Variants in RNF32 observed in about 807,000 individuals in gnomAD.
The protein encoded by RNF32 is ring finger protein 32.
In RNF32, 36 loss-of-function variants were observed where a neutral mutation model predicts 41.0. The ratio of observed to expected loss-of-function variants is 0.88; its 90% CI spans 0.67 to 1.16. The LOEUF is 1.16. RNF32 is among the 50% of genes most tolerant of loss of function. RNF32 has a pLI of 0.00. For missense variants in RNF32, 413 were observed against 436.7 expected (o/e 0.95, Z 0.48); for synonymous variants, 154 against 160.9 (o/e 0.96, Z 0.32).
At chr7:156,643,960 G>C in intron 2 of RNF32, 68 bp downstream of exon 2, 1 of 1,437,752 alleles carries the variant, frequency 7.0e-7, no homozygotes, top group Non-Finnish European at 9.8e-7. Context: ...TCAGCCATTT[G>C]AGAGTATAAA....
At chr7:156,664,433 C>G (rs1215583220) in intron 7 of RNF32, among the ~76,000 whole-genome samples, 2 of 152,084 alleles carry the variant, frequency 1.3e-5, no homozygotes, top group Admixed American at 1.3e-4. Flanking sequence ...TGCACTCCAG[C>G]CTGGGCGACA....
At chr7:156,675,107 G>C (rs1002833528) in intron 7 of RNF32, among the ~76,000 whole-genome samples, 1 of 152,246 alleles carries the variant, frequency 6.6e-6, no homozygotes, top group African/African-American at 2.4e-5. Context: ...GACCGGAAGA[G>C]ATAGTGCAGA....
At chr7:156,659,035 C>T in intron 7 of RNF32, 2 of 1,416,824 alleles carry the variant, frequency 1.4e-6, no homozygotes, top group Non-Finnish European at 9.1e-7. Context: ...AGCTTTAGAG[C>T]TAACTTCCAT....
chr7:156,648,945 C>T (rs1798333279), intron 3 of RNF32, among the ~76,000 whole-genome samples: 1 of 151,904 alleles, frequency 6.6e-6, no homozygotes, highest in Non-Finnish European at 1.5e-5. Context: ...AAAGATTTTC[C>T]TACATTTTCT....
At position 156,670,886 on chromosome 7, in the gene RNF32, T is replaced by G. The variant is rs979589588; in HGVS notation, c.685-4810T>G. 2.6e-5 allele frequency among the ~76,000 whole-genome samples: 4 copies of G among 152,218 alleles called. No homozygotes were observed. Among genetic ancestry groups the G allele is most frequent in the African/African-American group, 7.2e-5 (3 of 41,452 alleles). On this transcript the variant is annotated intron_variant, in intron 7 of 8. Transcript: ENST00000317955. This position sits in a 1 kb window ranked among gnomAD's most constrained non-coding sequence, Gnocchi z 4.3. ...ATGGCCCCAGACGGGAAATCTGAGA[T>G]GTCAGTGGTAAAAATGTGAGTAAAT...
At chr7:156,651,122 G>A (rs887492893) in intron 3 of RNF32, among the ~76,000 whole-genome samples, 1 of 151,964 alleles carries the variant, frequency 6.6e-6, no homozygotes, top group African/African-American at 2.4e-5. Context: ...ATAACAGAAA[G>A]TGTAGCATTC....
intron 7 of RNF32, among the ~76,000 whole-genome samples, chr7:156,667,186 T>C (rs899046670): frequency 6.6e-6 from 1 of 152,216 alleles, no homozygotes; most frequent in African/African-American, 2.4e-5. Flanking sequence ...TATCAACTGA[T>C]TCATTGATAT....
At chr7:156,655,323 T>C (rs1799477151) in intron 4 of RNF32, among the ~76,000 whole-genome samples, 1 of 149,508 alleles carries the variant, frequency 6.7e-6, no homozygotes, top group South Asian at 2.1e-4. Flanking sequence ...GCATATAGGG[T>C]TTTTTCTATA....
At chr7:156,654,848 C>T (rs1486014643) in intron 4 of RNF32, 130 bp downstream of exon 4, 1 of 784,034 alleles carries the variant, frequency 1.3e-6, no homozygotes, top group African/African-American at 1.7e-5. Context: ...TCACACACTT[C>T]CATTTTGTTT....
At chr7:156,658,107 A>G (rs1234946853) in intron 5 of RNF32, 21 bp from the exon 6 acceptor site, 1 of 1,606,292 alleles carries the variant, frequency 6.2e-7, no homozygotes, top group Non-Finnish European at 8.5e-7. Context: ...GTAAAATTTT[A>G]AGTGAAATGT....
At chr7:156,645,821 G>A (rs10253748) in intron 3 of RNF32, among the ~76,000 whole-genome samples, 56,837 of 152,022 alleles carry the variant, frequency 0.37, 11,160 homozygotes, top group African/African-American at 0.49. Flanking sequence ...AACATGAAAT[G>A]TATCCCAAAC....
In RNF32 at chr7:156,675,882, C is replaced by G; in HGVS notation, c.852+19C>G. 1 of 1,607,582 alleles carries G rather than the reference C, an allele frequency of 6.2e-7. No individual in the cohort carries two copies. The highest frequency in any genetic ancestry group is 8.5e-7 in the Non-Finnish European group (1 of 1,176,062). ...AGTGCAGGTAGGTTTGGCTGGCAGC[C>G]TGGCAACCAGCAGACTCAGCTGCAG... is the stretch of plus-strand genomic sequence containing the variant. On this transcript the variant is annotated intron_variant, in intron 8 of 8. Transcript: ENST00000317955.
At position 156,651,545 on chromosome 7, in the gene RNF32, C is replaced by T. The variant is rs79268147; in HGVS notation, c.275-3031C>T. 0.01 allele frequency among the ~76,000 whole-genome samples: 1,537 copies of T among 152,262 alleles called. 40 individuals are homozygous for T. In the East Asian group the frequency reaches 0.12, roughly 12 times the overall value. On this transcript the variant is annotated intron_variant, in intron 3 of 8. Transcript: ENST00000317955. ...TTAATAATTCTAAATAACATGTCTA[C>T]GCTGCTGTTTTGTTAATTTTCAGTT...
At chr7:156,654,357 C>T in intron 3 of RNF32, 1 of 459,224 alleles carries the variant, frequency 2.2e-6, no homozygotes, top group Non-Finnish European at 3.9e-6. Context: ...GGGTTGTATG[C>T]AAATACTCCA....
intron 3 of RNF32, among the ~76,000 whole-genome samples, chr7:156,648,206 A>G (rs1798240445): frequency 1.3e-5 from 2 of 152,152 alleles, no homozygotes; most frequent in Admixed American, 1.3e-4. Context: ...TTGGTTGAGG[A>G]TGGCGTGTCT....
chr7:156,644,889 G>T, intron 3 of RNF32, 132 bp downstream of exon 3: 1 of 882,974 alleles, frequency 1.1e-6, no homozygotes, highest in Admixed American at 3.1e-5. Flanking sequence ...TGTATTGAAG[G>T]TATGTATGTA....
chr7:156,673,636 A>T (rs190707558), intron 7 of RNF32, among the ~76,000 whole-genome samples: 2 of 152,250 alleles, frequency 1.3e-5, no homozygotes, highest in Admixed American at 1.3e-4. Flanking sequence ...CACCCCCTTC[A>T]TTCAAACCCC....
At chr7:156,659,400 T>C (rs1416761311) in intron 7 of RNF32, 1 of 985,700 alleles carries the variant, frequency 1.0e-6, no homozygotes, top group Admixed American at 6.1e-5. Flanking sequence ...GTCTCGGGTG[T>C]TCATTCTCAA....
intron 7 of RNF32, among the ~76,000 whole-genome samples, chr7:156,673,680 T>C (rs1254021383): frequency 6.6e-6 from 1 of 152,168 alleles, no homozygotes; most frequent in Non-Finnish European, 1.5e-5. Context: ...GTTCACAGAA[T>C]GTTCTTTACT....
Sources: gnomAD v4.1 joint callset for allele counts (sites outside exome capture counted in the v4.1 genomes callset) on GRCh38, gnomAD v4.1.1 for gene constraint, Gnocchi (gnomAD v3.1) non-coding constraint, MANE v1.5 for transcripts, NCBI Gene and HGNC (gene_info 2026-07-23, HGNC 2026-07-21) for gene names.